CPNE8: variants seen among roughly 807,000 people sequenced by gnomAD.
CPNE8 encodes copine-8.
Under a neutral mutation model 81.5 loss-of-function variants are expected in CPNE8, and 45 were observed. The observed-to-expected ratio is 0.55, with a 90% CI of 0.44 to 0.71. The LOEUF is 0.71. CPNE8 is among the 30% of genes least tolerant of loss of function. The pLI, the probability that CPNE8 is intolerant of heterozygous loss-of-function variation, is 0.00. For synonymous variants in CPNE8, 252 were observed against 226.3 expected (o/e 1.11, Z -1.02); for missense variants, 594 against 672.1 (o/e 0.88, Z 1.28).
chr12:38,906,333 G>A, upstream of CPNE8: 8 of 983,076 alleles, frequency 8.1e-6, no homozygotes, highest in Non-Finnish European at 9.6e-6. Flanking sequence ...AAGTGGGGGC[G>A]GGGGGGCGGA....
At chr12:38,830,200 G>A (rs1286213992) in intron 5 of CPNE8, among the ~76,000 whole-genome samples, 3 of 151,980 alleles carry the variant, frequency 2.0e-5, no homozygotes. Flanking sequence ...CACATATAAA[G>A]AAACTAAGTG....
intron 8 of CPNE8, among the ~76,000 whole-genome samples, chr12:38,764,461 C>CA (rs1380839005): frequency 6.7e-6 from 1 of 150,018 alleles, no homozygotes; most frequent in African/African-American, 2.5e-5. Context: ...ACTAAAAATA[C>CA]AAAAAATTAG....
At chr12:38,675,496 A>C (rs1939267674) in intron 18 of CPNE8, among the ~76,000 whole-genome samples, 1 of 152,186 alleles carries the variant, frequency 6.6e-6, no homozygotes, top group Admixed American at 6.5e-5. Context: ...TAGAGAGATA[A>C]TATCCTAGTG....
intron 1 of CPNE8, among the ~76,000 whole-genome samples, chr12:38,888,560 G>A (rs561127902): frequency 6.2e-4 from 94 of 152,230 alleles, no homozygotes; most frequent in African/African-American, 2.2e-3. Flanking sequence ...AATCCAAATG[G>A]GAATATGTAG....
intron 14 of CPNE8, among the ~76,000 whole-genome samples, chr12:38,702,189 T>G (rs147077050): frequency 0.011 from 1,622 of 152,288 alleles, 32 homozygotes; most frequent in African/African-American, 0.036. Context: ...CTGGTAAAAG[T>G]TACATAATGA....
intron 3 of CPNE8, among the ~76,000 whole-genome samples, chr12:38,867,305 AGTGTGTGTGT>A (rs35874005): frequency 7.7e-4 from 102 of 133,224 alleles, no homozygotes; most frequent in African/African-American, 2.6e-3. Flanking sequence ...TGAATAGTAT[AGTGTGTGTGT>A]GTGTGTGTGT....
intron 16 of CPNE8, among the ~76,000 whole-genome samples, chr12:38,683,941 G>A (rs1939470189): frequency 6.6e-6 from 1 of 152,024 alleles, no homozygotes; most frequent in African/African-American, 2.4e-5. Context: ...AATGCACCTA[G>A]ATATTTTATA....
At chr12:38,726,099 G>T (rs780992322) in intron 11 of CPNE8, among the ~76,000 whole-genome samples, 12 of 152,040 alleles carry the variant, frequency 7.9e-5, no homozygotes, top group Non-Finnish European at 1.3e-4. Flanking sequence ...GTTCCTAAAA[G>T]TCCACAGGCC....
intron 6 of CPNE8, among the ~76,000 whole-genome samples, chr12:38,778,365 A>G (rs1941978391): frequency 6.6e-6 from 1 of 152,166 alleles, no homozygotes; most frequent in South Asian, 2.1e-4. Context: ...GTGCATGACT[A>G]TAGAACAAAA....
intron 6 of CPNE8, among the ~76,000 whole-genome samples, chr12:38,798,150 C>A (rs544350439): frequency 6.6e-6 from 1 of 152,096 alleles, no homozygotes; most frequent in African/African-American, 2.4e-5. Flanking sequence ...GGAGAACTTC[C>A]CCAATCTAGC....
intron 15 of CPNE8, among the ~76,000 whole-genome samples, chr12:38,690,398 A>C (rs1939646940): frequency 1.3e-5 from 2 of 152,164 alleles, no homozygotes; most frequent in Admixed American, 1.3e-4. Flanking sequence ...ACAAAACAGA[A>C]GTGCTTTGAA....
At chr12:38,832,501 A>G (rs1943303859) in intron 5 of CPNE8, among the ~76,000 whole-genome samples, 1 of 152,184 alleles carries the variant, frequency 6.6e-6, no homozygotes, top group African/African-American at 2.4e-5. Context: ...CTGGACATAC[A>G]GCCATACAGG....
rs1312805304 is a variant in CPNE8 at position 38,698,613 on chromosome 12, A to C, written c.961+4262T>G. Among the ~76,000 whole-genome samples the C allele has an allele frequency of 1.1e-4, 16 of 152,314 alleles. No homozygotes were observed. The East Asian group carries it at 2.3e-3, about 22-fold the overall frequency. The stretch of plus-strand genomic sequence containing the variant: ...GAAGAGTCCAACTTCCTGCTTTTGC[A>C]TGTGGCTATCCAGTTGTCCCAGCAC... On this transcript the variant is annotated intron_variant, in intron 14 of 19. Coordinates refer to ENST00000331366, the MANE Select transcript of CPNE8 (RefSeq NM_153634.3).
chr12:38,905,911 T>TA (rs560250371), upstream of CPNE8: 1,134 of 985,332 alleles, frequency 1.2e-3, 39 homozygotes, highest in South Asian at 0.048. Flanking sequence ...CGCAGACCCC[T>TA]ACCGTCCAGG....
chr12:38,660,784 T>C (rs1284324554), intron 19 of CPNE8, among the ~76,000 whole-genome samples: 1 of 152,020 alleles, frequency 6.6e-6, no homozygotes, highest in Admixed American at 6.6e-5. Context: ...AACAACCCCA[T>C]CTAAAAGTGG....
intron 6 of CPNE8, among the ~76,000 whole-genome samples, chr12:38,781,145 C>A (rs1430813982): frequency 6.6e-6 from 1 of 151,756 alleles, no homozygotes; most frequent in Non-Finnish European, 1.5e-5. Context: ...AAAGAAACTA[C>A]AATTATTTAA....
chr12:38,808,774 A>T (rs11169618), intron 6 of CPNE8, among the ~76,000 whole-genome samples: 10,280 of 151,824 alleles, frequency 0.068, 584 homozygotes, highest in East Asian at 0.31. Flanking sequence ...TAAAATAAAA[A>T]AAAGACTATA....
At chr12:38,696,688 C>T (rs1360750339) in intron 14 of CPNE8, among the ~76,000 whole-genome samples, 1 of 152,038 alleles carries the variant, frequency 6.6e-6, no homozygotes. Context: ...ACTCACAGTT[C>T]AATAGAATAT....
chr12:38,858,071 G>C (rs1943773627), intron 3 of CPNE8, among the ~76,000 whole-genome samples: 1 of 152,134 alleles, frequency 6.6e-6, no homozygotes. Flanking sequence ...ACCCAGGAAT[G>C]CCTTTCTCAA....
Sources: gnomAD v4.1 joint callset for allele counts (sites outside exome capture counted in the v4.1 genomes callset) on GRCh38, gnomAD v4.1.1 for gene constraint, MANE v1.5 for transcripts, NCBI Gene and HGNC (gene_info 2026-07-23, HGNC 2026-07-21) for gene names.